CENPU: variants seen among roughly 807,000 people sequenced by gnomAD.
The protein encoded by CENPU is centromere protein U.
CENPU carries 46 observed loss-of-function variants against 56.7 expected under a neutral mutation model. That is an observed-to-expected ratio of 0.81 (90% CI 0.64 to 1.04). The LOEUF (loss-of-function observed/expected upper bound fraction) is 1.04. Ranked by LOEUF, CENPU falls within the 50% of genes least tolerant of loss-of-function variation. The pLI is 0.00. For missense variants in CENPU, 510 were observed against 490.1 expected (o/e 1.04, Z -0.38); for synonymous variants, 166 against 163.0 (o/e 1.02, Z -0.14).
At chr4:184,707,572 C>T (rs1032796737) in intron 8 of CENPU, among the ~76,000 whole-genome samples, 2 of 152,064 alleles carry the variant, frequency 1.3e-5, no homozygotes, top group Non-Finnish European at 2.9e-5. Flanking sequence ...CTCTGGAGGG[C>T]GAGGAGTGAA....
rs146896410 is a variant in CENPU, at chr4:184,699,863, G to A, written c.986+957C>T. 9.2e-3 allele frequency among the ~76,000 whole-genome samples: 1,395 copies of A among 152,180 alleles called. 20 individuals carry two copies. Among genetic ancestry groups the A allele is most frequent in the African/African-American group, 0.032 (1,340 of 41,526 alleles). On this transcript the variant is annotated intron_variant, in intron 11 of 12. Coordinates refer to ENST00000281453, the MANE Select transcript of CENPU (RefSeq NM_024629.4). Reference sequence around the variant, plus strand: ...TTTGAGATGGGGTTTCACTATGTTGGCCAAGCTGGTCTTGAACTCCTGACC... The same window carrying A: ...TTTGAGATGGGGTTTCACTATGTTGACCAAGCTGGTCTTGAACTCCTGACC...
At chr4:184,733,544 G>A (rs1033776050) in intron 1 of CENPU, 44 of 348,702 alleles carry the variant, frequency 1.3e-4, no homozygotes, top group Admixed American at 4.1e-4. Context: ...AACCGCAAGC[G>A]GCAGCTCGGT....
At chr4:184,718,631 C>A (rs1012478317) in intron 4 of CENPU, among the ~76,000 whole-genome samples, 5 of 152,186 alleles carry the variant, frequency 3.3e-5, no homozygotes, top group Non-Finnish European at 5.9e-5. Flanking sequence ...AGAGTGAGGT[C>A]CCCAAACCAT....
At chr4:184,699,724 A>C in intron 11 of CENPU, 1 of 771,018 alleles carries the variant, frequency 1.3e-6, no homozygotes, top group South Asian at 1.5e-5. Context: ...GCACTGGCAC[A>C]ATCTCGGCTC....
At chr4:184,720,564 A>G (rs1344327743) in intron 4 of CENPU, among the ~76,000 whole-genome samples, 1 of 152,166 alleles carries the variant, frequency 6.6e-6, no homozygotes, top group East Asian at 1.9e-4. Context: ...CTTTAACCCA[A>G]AGGAAGACTC....
chr4:184,711,840 T>C (rs1760934967), intron 7 of CENPU, among the ~76,000 whole-genome samples: 1 of 152,094 alleles, frequency 6.6e-6, no homozygotes, highest in South Asian at 2.1e-4. Context: ...AAATGTTCAC[T>C]GGCTGGGTGC....
chr4:184,717,878 T>C (rs532868109), intron 4 of CENPU, among the ~76,000 whole-genome samples: 3 of 152,256 alleles, frequency 2.0e-5, no homozygotes, highest in Admixed American at 1.3e-4. Context: ...GGAAAACAAG[T>C]GTGAAGAAGG....
At chr4:184,709,074 A>G (rs1182494192) in intron 8 of CENPU, among the ~76,000 whole-genome samples, 1 of 152,220 alleles carries the variant, frequency 6.6e-6, no homozygotes, top group Non-Finnish European at 1.5e-5. Context: ...TCGATATTAC[A>G]ATAAATGTTA....
intron 7 of CENPU, among the ~76,000 whole-genome samples, chr4:184,712,323 T>A (rs1464488969): frequency 2.6e-5 from 4 of 151,772 alleles, no homozygotes; most frequent in Non-Finnish European, 5.9e-5. Flanking sequence ...CACAAAAGAG[T>A]ACACACTATG....
chr4:184,716,315 A>C, intron 6 of CENPU, 82 bp downstream of exon 6: 3 of 820,576 alleles, frequency 3.7e-6, no homozygotes, highest in Non-Finnish European at 6.0e-6. Context: ...GATCTGAAGG[A>C]AAGAGAAAAT....
intron 2 of CENPU, among the ~76,000 whole-genome samples, chr4:184,730,278 C>G (rs992189330): frequency 6.6e-6 from 1 of 152,094 alleles, no homozygotes; most frequent in African/African-American, 2.4e-5. Flanking sequence ...GGGAGCAGAG[C>G]GCTGAGCAAA....
intron 2 of CENPU, among the ~76,000 whole-genome samples, chr4:184,729,693 T>C (rs1440526699): frequency 6.6e-6 from 1 of 152,186 alleles, no homozygotes; most frequent in Non-Finnish European, 1.5e-5. Flanking sequence ...TCTCCGGAAA[T>C]ATGCCCATAT....
intron 2 of CENPU, among the ~76,000 whole-genome samples, chr4:184,730,045 T>A (rs1271497563): frequency 6.6e-6 from 1 of 152,150 alleles, no homozygotes; most frequent in Non-Finnish European, 1.5e-5. Context: ...AGCTGGCAGG[T>A]CTTCCAGCCC....
At position 184,710,156 on chromosome 4, in the gene CENPU, CA is replaced by C. The variant is rs1175757839; in HGVS notation, c.712del (p.Trp238GlyfsTer6). 6.2e-7 allele frequency: 1 copy of C among 1,604,464 alleles called. No homozygotes were observed. The highest frequency in any genetic ancestry group is 2.2e-5 in the East Asian group (1 of 44,602). On this transcript the variant is annotated frameshift_variant, in exon 8 of 13. Transcript: ENST00000281453. LOFTEE classifies it high-confidence loss of function. ...ACTGGTTTTCATTCCTTCTGGACAC[CA>C]AATGTGCACAATGTCAGAAGTATCT... ...GSDTSDIVHIWCPEGMKTSDI... is the reference protein window; with the variant it reads ...GSDTSDIVHIXCPEGMKTSDI...
At chr4:184,698,536 C>T (rs1421700852) in intron 11 of CENPU, among the ~76,000 whole-genome samples, 3 of 152,178 alleles carry the variant, frequency 2.0e-5, no homozygotes, top group Admixed American at 1.3e-4. Flanking sequence ...CTGCAACCTC[C>T]GCCTCCCAGG....
At chr4:184,730,999 G>C in intron 1 of CENPU, 31 bp from the exon 2 acceptor site, 1 of 1,494,862 alleles carries the variant, frequency 6.7e-7, no homozygotes, top group Non-Finnish European at 9.1e-7. Context: ...ACAAGAGTTA[G>C]GAAATAGTTA....
At chr4:184,731,905 G>GTA (rs1554013234) in intron 1 of CENPU, among the ~76,000 whole-genome samples, 229 of 147,998 alleles carry the variant, frequency 1.5e-3, no homozygotes, top group African/African-American at 5.7e-3. Context: ...GTGTGTGTGT[G>GTA]TGTGTCTGGA....
chr4:184,733,108 A>G (rs150307312), intron 1 of CENPU, among the ~76,000 whole-genome samples: 21 of 152,346 alleles, frequency 1.4e-4, no homozygotes, highest in African/African-American at 4.8e-4. Flanking sequence ...AAAAGACAAC[A>G]AAAACCACTA....
At position 184,707,139 on chromosome 4, in the gene CENPU, G is replaced by C. The variant is rs148076492; in HGVS notation, c.797+2933C>G. Among the ~76,000 whole-genome samples, 6 of 151,316 alleles carry C rather than the reference G, an allele frequency of 4.0e-5. No individual in the cohort carries two copies. In the East Asian group the frequency reaches 1.2e-3, roughly 29 times the overall value. ...AGGCACTTCTCACAATGATAATGATGAGTTGGCATGACAGGCTGGCTCCTT... is the reference window on the plus strand; with the variant it reads ...AGGCACTTCTCACAATGATAATGATCAGTTGGCATGACAGGCTGGCTCCTT... On this transcript the variant is annotated intron_variant, in intron 8 of 12. Coordinates refer to ENST00000281453, the MANE Select transcript of CENPU (RefSeq NM_024629.4).
Sources: allele counts gnomAD v4.1 joint callset (sites outside exome capture counted in the v4.1 genomes callset), GRCh38; gene constraint gnomAD v4.1.1; transcripts MANE v1.5; gene names NCBI Gene and HGNC (gene_info 2026-07-23, HGNC 2026-07-21).